Variants in GRID2 observed in about 807,000 individuals in gnomAD.
The protein encoded by GRID2 is glutamate ionotropic receptor delta type subunit 2.
Under a neutral mutation model 114.8 loss-of-function variants are expected in GRID2, and 33 were observed. The ratio of observed to expected loss-of-function variants is 0.29; its 90% CI spans 0.22 to 0.38. The LOEUF (loss-of-function observed/expected upper bound fraction) is 0.38, where lower values mean the gene tolerates loss of function less well. Ranked by LOEUF, GRID2 falls within the 10% of genes least tolerant of loss-of-function variation. The probability of loss-of-function intolerance (pLI) is 1.00; values close to 1 mark genes in which losing one functional copy is unlikely to be tolerated. For synonymous variants in GRID2, 505 were observed against 449.9 expected (o/e 1.12, Z -1.55); for missense variants, 1,184 against 1,257.7 (o/e 0.94, Z 0.89).
intron 8 of GRID2, among the ~76,000 whole-genome samples, chr4:93,366,851 A>G (rs1762387253): frequency 6.6e-6 from 1 of 152,024 alleles, no homozygotes; most frequent in South Asian, 2.1e-4. Context: ...CCGATAAAAT[A>G]TATTATATAG....
At chr4:93,517,417 A>G (rs1395352562) in intron 13 of GRID2, among the ~76,000 whole-genome samples, 1 of 152,078 alleles carries the variant, frequency 6.6e-6, no homozygotes, top group Non-Finnish European at 1.5e-5. Flanking sequence ...TTATTATACC[A>G]TGTTGATTCA....
chr4:92,635,483 T>A (rs1306357862), intron 2 of GRID2, among the ~76,000 whole-genome samples: 8 of 152,240 alleles, frequency 5.3e-5, no homozygotes, highest in Non-Finnish European at 2.9e-5. Flanking sequence ...TAGGTGTTAT[T>A]CGGAAAGTTT....
At chr4:92,786,480 T>C (rs1560591232) in intron 2 of GRID2, among the ~76,000 whole-genome samples, 1 of 151,828 alleles carries the variant, frequency 6.6e-6, no homozygotes, top group Non-Finnish European at 1.5e-5. Context: ...CCCCTAGATA[T>C]GTGCTGTCAC....
rs1356236103 is a variant in GRID2, at chr4:92,328,066, AGGG to A, written c.88+23324_88+23326del. Among the ~76,000 whole-genome samples, 93 of 152,216 alleles carry A rather than the reference AGGG, an allele frequency of 6.1e-4. No individual in the cohort carries two copies. In the Middle Eastern group the frequency reaches 0.01, roughly 17 times the overall value. ...GTGATAAATGCTCATTCATTTGAAA[AGGG>A]GCTATATAAGATAGAGACAGGGAGA... On this transcript the variant is annotated intron_variant, in intron 1 of 15. Coordinates refer to ENST00000282020, the MANE Select transcript of GRID2 (RefSeq NM_001510.4).
Position 93,595,054 on chromosome 4 carries a change from C to G in GRID2, c.2194-31215C>G, listed in dbSNP as rs572270036. Among the ~76,000 whole-genome samples the G allele has an allele frequency of 7.0e-4, 106 of 152,306 alleles. No homozygotes were observed. The Middle Eastern group carries it at 0.01, about 15-fold the overall frequency. ...TGGGAGCTGTAGACCAGAGCTGTTCCTATTCAGCCATCTTGGCTCCTCCCT... is the reference window on the plus strand; with the variant it reads ...TGGGAGCTGTAGACCAGAGCTGTTCGTATTCAGCCATCTTGGCTCCTCCCT... On this transcript the variant is annotated intron_variant, in intron 13 of 15. Coordinates refer to ENST00000282020, the MANE Select transcript of GRID2 (RefSeq NM_001510.4).
chr4:93,315,055 C>A (rs1215212052), intron 8 of GRID2, among the ~76,000 whole-genome samples: 1 of 152,084 alleles, frequency 6.6e-6, no homozygotes, highest in African/African-American at 2.4e-5. Context: ...AGGAAACTTA[C>A]AATGATGGCA....
intron 2 of GRID2, among the ~76,000 whole-genome samples, chr4:92,796,482 T>C (rs1210135671): frequency 6.6e-6 from 1 of 151,914 alleles, no homozygotes; most frequent in Non-Finnish European, 1.5e-5. Context: ...AGTAGCTTTA[T>C]AGGTAGGGCA....
At chr4:92,981,747 A>G (rs893249843) in intron 2 of GRID2, among the ~76,000 whole-genome samples, 1 of 151,958 alleles carries the variant, frequency 6.6e-6, no homozygotes, top group Non-Finnish European at 1.5e-5. Context: ...ATTCAGGAAA[A>G]TATTGGGAAT....
intron 2 of GRID2, among the ~76,000 whole-genome samples, chr4:93,006,491 A>G (rs1293207697): frequency 1.3e-5 from 2 of 152,046 alleles, no homozygotes; most frequent in Non-Finnish European, 2.9e-5. Context: ...TCTTGGGAAG[A>G]TATGGTTTCT....
chr4:93,611,728 C>T, intron 13 of GRID2, among the ~76,000 whole-genome samples: 1 of 120,428 alleles, frequency 8.3e-6, no homozygotes, highest in East Asian at 2.5e-4. Flanking sequence ...GAGAGCTTTA[C>T]TTCCAAGTAT....
At chr4:93,386,045 T>C (rs1456886335) in intron 8 of GRID2, among the ~76,000 whole-genome samples, 2 of 151,974 alleles carry the variant, frequency 1.3e-5, no homozygotes, top group Admixed American at 6.6e-5. Flanking sequence ...GGGTTTATTA[T>C]TAAAAAAAAA....
At chr4:92,762,865 A>G (rs1326599301) in intron 2 of GRID2, among the ~76,000 whole-genome samples, 1 of 151,898 alleles carries the variant, frequency 6.6e-6, no homozygotes, top group South Asian at 2.1e-4. Flanking sequence ...CCAGGATGCT[A>G]CTCTTCTCTG....
chr4:93,464,201 G>T (rs1008862851), intron 11 of GRID2, among the ~76,000 whole-genome samples: 1 of 152,124 alleles, frequency 6.6e-6, no homozygotes, highest in African/African-American at 2.4e-5. Flanking sequence ...AAAGCAGGTG[G>T]TGGTAGAGAA....
chr4:92,906,064 G>A (rs1341012260), intron 2 of GRID2, among the ~76,000 whole-genome samples: 1 of 152,074 alleles, frequency 6.6e-6, no homozygotes. Flanking sequence ...ACACTGAGAG[G>A]TGAATAGTTT....
At chr4:92,744,200 G>A (rs998518501) in intron 2 of GRID2, among the ~76,000 whole-genome samples, 1 of 152,084 alleles carries the variant, frequency 6.6e-6, no homozygotes, top group African/African-American at 2.4e-5. Flanking sequence ...ATGCTTTTAA[G>A]ATATTCAGAG....
intron 1 of GRID2, among the ~76,000 whole-genome samples, chr4:92,358,001 T>A (rs1236784252): frequency 6.6e-6 from 1 of 151,940 alleles, no homozygotes; most frequent in Non-Finnish European, 1.5e-5. Flanking sequence ...GTGTATTTCA[T>A]GGTGTAAGTA....
At chr4:92,602,288 G>C (rs199557098) in intron 2 of GRID2, among the ~76,000 whole-genome samples, 34 of 151,292 alleles carry the variant, frequency 2.2e-4, no homozygotes, top group African/African-American at 7.7e-4. Context: ...GATGAACATC[G>C]ATGTAAAAAT....
chr4:93,120,910 G>T (rs952256821), intron 4 of GRID2, among the ~76,000 whole-genome samples: 1 of 151,954 alleles, frequency 6.6e-6, no homozygotes. Flanking sequence ...CCGAGATTGC[G>T]CCACTGCACT....
intron 11 of GRID2, among the ~76,000 whole-genome samples, chr4:93,484,860 G>C (rs571734529): frequency 6.6e-6 from 1 of 151,966 alleles, no homozygotes; most frequent in African/African-American, 2.4e-5. Flanking sequence ...TGTTTGGGCT[G>C]TTTCCAGTTT....
Sources: gnomAD v4.1 joint callset for allele counts (sites outside exome capture counted in the v4.1 genomes callset) on GRCh38, gnomAD v4.1.1 for gene constraint, MANE v1.5 for transcripts, NCBI Gene and HGNC (gene_info 2026-07-23, HGNC 2026-07-21) for gene names.